The following ARHGAP39 variants were observed in gnomAD, a reference collection of about 807,000 sequenced individuals.
ARHGAP39 encodes the protein Rho GTPase activating protein 39.
In ARHGAP39, 44 loss-of-function variants were observed where a neutral mutation model predicts 106.9. The ratio of observed to expected loss-of-function variants is 0.41; its 90% CI spans 0.32 to 0.53. ARHGAP39 has a LOEUF of 0.53. ARHGAP39 is among the 20% of genes least tolerant of loss of function. ARHGAP39 has a pLI of 0.21. For synonymous variants in ARHGAP39, 768 were observed against 693.2 expected (o/e 1.11, Z -1.69); for missense variants, 1,496 against 1,577.3 (o/e 0.95, Z 0.87).
In ARHGAP39 at chr8:144,673,997, T is replaced by C. The variant is rs115619649; in HGVS notation, c.-82+11689A>G. On this transcript the variant is annotated intron_variant, in intron 1 of 11. Transcript: ENST00000377307. ...GGGGAATGCAGTGGCATCCAGAAGC[T>C]TGGAGATGCCAGGAACCACAGAACC... 4.4e-3 allele frequency among the ~76,000 whole-genome samples: 670 copies of C among 152,304 alleles called. 3 individuals are homozygous for C. The highest frequency in any genetic ancestry group is 0.016 in the African/African-American group (647 of 41,564).
chr8:144,669,265 G>T, intron 1 of ARHGAP39, among the ~76,000 whole-genome samples: 1 of 128,344 alleles, frequency 7.8e-6, no homozygotes, highest in Non-Finnish European at 1.6e-5. Flanking sequence ...CCAACACTTT[G>T]GGAGGCCGAG....
At chr8:144,544,907 C>A (rs185547275) in intron 6 of ARHGAP39, among the ~76,000 whole-genome samples, 293 of 152,372 alleles carry the variant, frequency 1.9e-3, no homozygotes, top group Admixed American at 3.3e-3. Flanking sequence ...CACACAGGTG[C>A]CTGACTACGG....
intron 1 of ARHGAP39, among the ~76,000 whole-genome samples, chr8:144,607,923 G>A (rs1435943719): frequency 2.0e-5 from 3 of 152,128 alleles, no homozygotes; most frequent in Non-Finnish European, 2.9e-5. Flanking sequence ...TTGGGAGGCC[G>A]AGGCGGGTGG....
At chr8:144,667,793 A>G (rs1822001763) in intron 1 of ARHGAP39, among the ~76,000 whole-genome samples, 1 of 152,228 alleles carries the variant, frequency 6.6e-6, no homozygotes, top group Admixed American at 6.5e-5. Flanking sequence ...CACCCACTGC[A>G]TGCATTGTTC....
intron 1 of ARHGAP39, among the ~76,000 whole-genome samples, chr8:144,619,181 C>T (rs191125800): frequency 3.2e-4 from 48 of 152,342 alleles, no homozygotes; most frequent in Non-Finnish European, 4.4e-4. Context: ...CGTCCCACGC[C>T]GAATCTGGAA....
At chr8:144,602,822 G>A (rs552641281) in intron 2 of ARHGAP39, among the ~76,000 whole-genome samples, 32 of 136,932 alleles carry the variant, frequency 2.3e-4, no homozygotes, top group African/African-American at 5.2e-4. Flanking sequence ...GTGTGTGCTC[G>A]TGTACCTGTG....
chr8:144,632,701 G>A (rs555905768), intron 1 of ARHGAP39, among the ~76,000 whole-genome samples: 1 of 152,320 alleles, frequency 6.6e-6, no homozygotes, highest in South Asian at 2.1e-4. Flanking sequence ...CACATCAGGT[G>A]ATGGCCCCAC....
intron 2 of ARHGAP39, among the ~76,000 whole-genome samples, chr8:144,595,920 T>C (rs1021583325): frequency 6.6e-6 from 1 of 152,142 alleles, no homozygotes; most frequent in Non-Finnish European, 1.5e-5. Flanking sequence ...TGTTGTCCTC[T>C]TTGCCACGCT....
chr8:144,535,876 C>G (rs974937954), intron 7 of ARHGAP39, among the ~76,000 whole-genome samples: 1 of 152,222 alleles, frequency 6.6e-6, no homozygotes, highest in South Asian at 2.1e-4. Flanking sequence ...CTGTCTGTTG[C>G]AGTGCTCAGC....
rs550596902 is a variant in ARHGAP39 at position 144,532,600 on chromosome 8, G to C, written c.2889-204C>G. ...ATTCCTGCCCCACACACCTGCGTCC[G>C]AGTGTGGTGCTTCCCCAGGCCACCG... On this transcript the variant is annotated intron_variant, in intron 9 of 11. Coordinates refer to ENST00000377307, the MANE Select transcript of ARHGAP39 (RefSeq NM_025251.3). Among the ~76,000 whole-genome samples the C allele has an allele frequency of 1.2e-3, 185 of 152,310 alleles. 2 individuals are homozygous for C. Among genetic ancestry groups the C allele is most frequent in the Non-Finnish European group, 2.3e-3 (157 of 68,002 alleles).
intron 6 of ARHGAP39, 133 bp from the exon 7 acceptor site, chr8:144,537,946 G>A: frequency 2.7e-6 from 2 of 749,286 alleles, no homozygotes; most frequent in Non-Finnish European, 2.2e-6. Context: ...TGGGGGCTGA[G>A]CGTTTCTGGG....
At chr8:144,602,225 C>T (rs1259582694) in intron 2 of ARHGAP39, among the ~76,000 whole-genome samples, 1 of 117,710 alleles carries the variant, frequency 8.5e-6, no homozygotes, top group South Asian at 2.9e-4. Context: ...GCTCGTGTAC[C>T]TGTGTGCATG....
the ARHGAP39 span, among the ~76,000 whole-genome samples, chr8:144,696,161 G>A: frequency 0.013 from 1,922 of 151,894 alleles, 33 homozygotes; most frequent in African/African-American, 0.044. Flanking sequence ...TTTTTTTTAA[G>A]ACAGTCTTGC....
chr8:144,574,497 C>G (rs1303387709), intron 3 of ARHGAP39, among the ~76,000 whole-genome samples: 1 of 152,100 alleles, frequency 6.6e-6, no homozygotes, highest in African/African-American at 2.4e-5. Context: ...GGTGCAACCC[C>G]ATCTCTACTA....
rs1238234387 is a variant in ARHGAP39, at chr8:144,530,695, G to GAAGT, written c.3150+3_3150+6dup. 6.3e-7 allele frequency: 1 copy of GAAGT among 1,589,924 alleles called. No homozygotes were observed. The highest frequency in any genetic ancestry group is 1.3e-5 in the African/African-American group (1 of 74,442). On this transcript the variant is annotated splice_region_variant and intron_variant, in intron 11 of 11. Transcript: ENST00000377307. ...AAAGCAGCGGGGACCCCCGGGGAGG[G>GAAGT]AAGTACCTGCAGGAAGCGGATGAGG... is the stretch of plus-strand genomic sequence containing the variant.
chr8:144,606,905 T>C (rs867639199), intron 1 of ARHGAP39, among the ~76,000 whole-genome samples: 18 of 150,708 alleles, frequency 1.2e-4, no homozygotes, highest in African/African-American at 3.9e-4. Context: ...ATATCTTAAT[T>C]GGACACACAC....
At chr8:144,658,690 G>A (rs957236993) in intron 1 of ARHGAP39, among the ~76,000 whole-genome samples, 2 of 152,058 alleles carry the variant, frequency 1.3e-5, no homozygotes, top group East Asian at 1.9e-4. Flanking sequence ...AACAAACAGC[G>A]AAAGACTGAC....
At chr8:144,681,233 C>A (rs1423542257) in intron 1 of ARHGAP39, among the ~76,000 whole-genome samples, 2 of 152,094 alleles carry the variant, frequency 1.3e-5, no homozygotes, top group Non-Finnish European at 2.9e-5. Flanking sequence ...GCAGAGACAG[C>A]CAGTGTCAGA....
At chr8:144,618,800 C>T (rs1820707146) in intron 1 of ARHGAP39, among the ~76,000 whole-genome samples, 1 of 152,244 alleles carries the variant, frequency 6.6e-6, no homozygotes, top group South Asian at 2.1e-4. Flanking sequence ...CCTCCCCAGC[C>T]CCCGGCACTG....
Sources: allele counts gnomAD v4.1 joint callset (sites outside exome capture counted in the v4.1 genomes callset), GRCh38; gene constraint gnomAD v4.1.1; transcripts MANE v1.5; gene names NCBI Gene and HGNC (gene_info 2026-07-23, HGNC 2026-07-21).